Variants in KCNJ3 observed in about 807,000 individuals in gnomAD.
KCNJ3 encodes potassium inwardly rectifying channel subfamily J member 3.
KCNJ3 carries 4 observed loss-of-function variants against 39.2 expected under a neutral mutation model. The observed-to-expected ratio is 0.10, with a 90% CI of 0.05 to 0.23. KCNJ3 has a LOEUF of 0.23. Ranked by LOEUF, KCNJ3 falls within the 10% of genes least tolerant of loss-of-function variation. The pLI, the probability that KCNJ3 is intolerant of heterozygous loss-of-function variation, is 1.00. For missense variants in KCNJ3, 276 were observed against 634.9 expected, an observed-to-expected ratio of 0.43 and a Z score of 6.08; for synonymous variants, 230 against 237.4, an observed-to-expected ratio of 0.97 and a Z score of 0.29.
At chr2:154,760,576 C>T (rs113506448) in intron 2 of KCNJ3, among the ~76,000 whole-genome samples, 21 of 151,620 alleles carry the variant, frequency 1.4e-4, no homozygotes, top group Admixed American at 8.5e-4. Context: ...TCTTTCTTGA[C>T]GGAATCTCAT....
intron 2 of KCNJ3, among the ~76,000 whole-genome samples, chr2:154,771,565 G>T (rs188262405): frequency 6.6e-6 from 1 of 152,218 alleles, no homozygotes; most frequent in East Asian, 1.9e-4. Context: ...GTGCAGAATA[G>T]GGCAGACTCA....
In KCNJ3 at chr2:154,856,076, A is replaced by G. The variant is rs1687833144; in HGVS notation, c.*763A>G. 6.6e-6 allele frequency: 1 copy of G among 152,620 alleles called. No homozygotes were observed. Among genetic ancestry groups the G allele is most frequent in the African/African-American group, 2.4e-5 (1 of 41,464 alleles). 9.5% of individuals were successfully genotyped at this position (152,620 alleles called of 1,614,324 possible). A position where few individuals can be genotyped will look rare whatever the true frequency, so the allele number is the denominator to read the frequency against. ...ATTACATGTTTAAATTGTAAATTTTAGAGCATACCAGTACTCAGTATAGCA... is the reference window on the plus strand; with the variant it reads ...ATTACATGTTTAAATTGTAAATTTTGGAGCATACCAGTACTCAGTATAGCA... On this transcript the variant is annotated 3_prime_UTR_variant, in exon 3 of 3. Transcript: ENST00000295101.
intron 2 of KCNJ3, among the ~76,000 whole-genome samples, chr2:154,710,436 A>T (rs1284564800): frequency 6.6e-6 from 1 of 152,132 alleles, no homozygotes; most frequent in African/African-American, 2.4e-5. Flanking sequence ...GTTTCTCCTT[A>T]ACATCCAATA....
chr2:154,729,559 T>C (rs985006094), intron 2 of KCNJ3, among the ~76,000 whole-genome samples: 1 of 152,178 alleles, frequency 6.6e-6, no homozygotes, highest in Admixed American at 6.5e-5. Flanking sequence ...TTGTTCTTGT[T>C]AAATAGCATT....
At chr2:154,812,423 C>T (rs1687021389) in intron 2 of KCNJ3, among the ~76,000 whole-genome samples, 2 of 152,100 alleles carry the variant, frequency 1.3e-5, no homozygotes, top group African/African-American at 4.8e-5. Context: ...AATATATATA[C>T]ACTTTTAATT....
chr2:154,840,352 A>G (rs1282169021), intron 2 of KCNJ3, among the ~76,000 whole-genome samples: 2 of 152,078 alleles, frequency 1.3e-5, no homozygotes, highest in East Asian at 1.9e-4. Flanking sequence ...GCCTTGTAGT[A>G]TACTTTGAAG....
chr2:154,842,777 T>G (rs1268249948), intron 2 of KCNJ3, among the ~76,000 whole-genome samples: 1 of 152,140 alleles, frequency 6.6e-6, no homozygotes, highest in Non-Finnish European at 1.5e-5. Context: ...GCTTTTTTTT[T>G]CTTTCCATTT....
intron 1 of KCNJ3, among the ~76,000 whole-genome samples, chr2:154,707,575 A>G (rs1685035383): frequency 6.6e-6 from 1 of 152,112 alleles, no homozygotes; most frequent in Non-Finnish European, 1.5e-5. Flanking sequence ...ACAAATTTTA[A>G]TATTTGTGTA....
chr2:154,739,364 G>A (rs1024970729), intron 2 of KCNJ3, among the ~76,000 whole-genome samples: 8 of 152,014 alleles, frequency 5.3e-5, no homozygotes, highest in Non-Finnish European at 1.2e-4. Context: ...CCCACATAAA[G>A]AGTTCAAGTT....
intron 1 of KCNJ3, among the ~76,000 whole-genome samples, chr2:154,703,073 C>G (rs1215516574): frequency 1.3e-5 from 2 of 151,880 alleles, no homozygotes; most frequent in South Asian, 2.1e-4. Context: ...TTTCTACCAA[C>G]CTAATAATAA....
At chr2:154,708,397 T>G (rs1421253337) in intron 1 of KCNJ3, among the ~76,000 whole-genome samples, 2 of 152,200 alleles carry the variant, frequency 1.3e-5, no homozygotes, top group Non-Finnish European at 2.9e-5. Context: ...AATGTATTTT[T>G]TTTGGAACTC....
At chr2:154,824,794 G>A (rs1574476036) in intron 2 of KCNJ3, among the ~76,000 whole-genome samples, 1 of 152,196 alleles carries the variant, frequency 6.6e-6, no homozygotes, top group Admixed American at 6.5e-5. Context: ...CGCATGAATA[G>A]TTGTGTAACT....
chr2:154,709,939 A>T (rs903404174), intron 2 of KCNJ3, 120 bp downstream of exon 2: 34 of 1,184,282 alleles, frequency 2.9e-5, no homozygotes, highest in Non-Finnish European at 3.8e-5. Context: ...GAAAGTAATG[A>T]TTTGCCTTTC....
At chr2:154,843,645 CT>C (rs934609112) in intron 2 of KCNJ3, among the ~76,000 whole-genome samples, 25 of 151,854 alleles carry the variant, frequency 1.6e-4, no homozygotes, top group Non-Finnish European at 3.4e-4. Flanking sequence ...TCTTTTTACT[CT>C]TTTTTCTCTA....
At chr2:154,836,173 G>A (rs1336362745) in intron 2 of KCNJ3, among the ~76,000 whole-genome samples, 1 of 146,030 alleles carries the variant, frequency 6.8e-6, no homozygotes. Context: ...TCACACCACT[G>A]CACCCCAGCC....
rs539878675 is a variant in KCNJ3 at position 154,711,835 on chromosome 2, G to A, written c.919+2016G>A. Among the ~76,000 whole-genome samples, 9 of 152,134 alleles carry A rather than the reference G, an allele frequency of 5.9e-5. No homozygotes were observed. In the East Asian group the frequency reaches 1.2e-3, roughly 20 times the overall value. On this transcript the variant is annotated intron_variant, in intron 2 of 2. Transcript: ENST00000295101. Reference sequence around the variant, plus strand: ...ATGAGATTGTAAAGAGTTTTATAACGTAAATTGTTTATTAGAATTATAGAT... The same window carrying A: ...ATGAGATTGTAAAGAGTTTTATAACATAAATTGTTTATTAGAATTATAGAT...
intron 2 of KCNJ3, among the ~76,000 whole-genome samples, chr2:154,773,458 A>G (rs1198984814): frequency 4.6e-5 from 7 of 152,058 alleles, no homozygotes; most frequent in African/African-American, 1.7e-4. Flanking sequence ...GATATTGGGT[A>G]TGTAGGGTTT....
intron 1 of KCNJ3, among the ~76,000 whole-genome samples, chr2:154,706,133 C>G (rs1156987337): frequency 1.3e-5 from 2 of 151,930 alleles, no homozygotes; most frequent in African/African-American, 4.8e-5. Flanking sequence ...CTGCATAAAT[C>G]TTAACTTTTA....
chr2:154,794,851 A>G (rs1269968945), intron 2 of KCNJ3, among the ~76,000 whole-genome samples: 2 of 152,012 alleles, frequency 1.3e-5, no homozygotes, highest in Non-Finnish European at 2.9e-5. Flanking sequence ...TTCAATAAAT[A>G]CTAGTGACTG....
Sources: gnomAD v4.1 joint callset for allele counts (sites outside exome capture counted in the v4.1 genomes callset) on GRCh38, gnomAD v4.1.1 for gene constraint, MANE v1.5 for transcripts, NCBI Gene and HGNC (gene_info 2026-07-23, HGNC 2026-07-21) for gene names.